The following CPNE5 variants were observed in gnomAD, a reference collection of about 807,000 sequenced individuals.
CPNE5 encodes the protein copine 5.
A neutral mutation model predicts 81.1 loss-of-function variants in CPNE5; 42 were observed. The ratio of observed to expected loss-of-function variants is 0.52; its 90% CI spans 0.40 to 0.67. CPNE5 has a LOEUF of 0.67. Among genes scored for constraint, CPNE5 ranks in the 30% least tolerant of loss-of-function variants. The pLI is 0.00. For synonymous variants in CPNE5, 313 were observed against 321.5 expected, an observed-to-expected ratio of 0.97 and a Z score of 0.28; for missense variants, 612 against 815.5, an observed-to-expected ratio of 0.75 and a Z score of 3.04.
intron 3 of CPNE5, among the ~76,000 whole-genome samples, chr6:36,805,536 G>C (rs774131910): frequency 3.3e-5 from 5 of 152,240 alleles, no homozygotes; most frequent in East Asian, 1.9e-4. Flanking sequence ...GTGATGCAGA[G>C]AGCCCTAGAG....
chr6:36,794,573 G>A lies in CPNE5; in HGVS notation c.464+17C>T. ...AATGTCTAAGGACTCCAGGGCCAGA[G>A]ATGTCTGGCAACGTACCCGTTGGAC... On this transcript the variant is annotated intron_variant, in intron 7 of 20. Transcript: ENST00000244751. The A allele has an allele frequency of 6.2e-7, 1 of 1,612,230 alleles. No individual in the cohort carries two copies. Among genetic ancestry groups the A allele is most frequent in the Non-Finnish European group, 8.5e-7 (1 of 1,178,262 alleles).
intron 1 of CPNE5, among the ~76,000 whole-genome samples, chr6:36,836,625 C>T (rs1158464850): frequency 1.3e-5 from 2 of 152,178 alleles, no homozygotes; most frequent in Non-Finnish European, 2.9e-5. Flanking sequence ...TCTCCTGGAG[C>T]CCTGAGAGCG....
chr6:36,827,835 G>A (rs1583036841), intron 1 of CPNE5: 5 of 817,646 alleles, frequency 6.1e-6, no homozygotes, highest in East Asian at 1.3e-4. Flanking sequence ...TTTCTTTGGA[G>A]AGCACAAAGA....
At chr6:36,792,561 C>T in intron 7 of CPNE5, 1 of 479,196 alleles carries the variant, frequency 2.1e-6, no homozygotes, top group East Asian at 7.0e-5. Context: ...GGGAGGAAGG[C>T]AGGAGGGCTG....
Position 36,774,717 on chromosome 6 carries a change from G to A in CPNE5, c.737+244C>T, listed in dbSNP as rs190650512. On this transcript the variant is annotated intron_variant, in intron 10 of 20. Coordinates refer to ENST00000244751, the MANE Select transcript of CPNE5 (RefSeq NM_020939.2). ...GCCAGACAGAGGGGAAAGAGGTGGG[G>A]CGGGTGGGGAGAAGAGGATCTGTGA... Among the ~76,000 whole-genome samples the A allele has an allele frequency of 4.8e-3, 723 of 151,812 alleles. 5 individuals carry two copies. Among genetic ancestry groups the A allele is most frequent in the African/African-American group, 0.016 (672 of 41,438 alleles).
At chr6:36,769,232 G>A (rs905517334) in intron 10 of CPNE5, among the ~76,000 whole-genome samples, 4 of 152,218 alleles carry the variant, frequency 2.6e-5, no homozygotes, top group Admixed American at 2.6e-4. Context: ...GGCTGTGCAG[G>A]TAATAATACC....
intron 12 of CPNE5, among the ~76,000 whole-genome samples, chr6:36,756,698 C>A (rs187640383): frequency 1.3e-5 from 2 of 152,334 alleles, no homozygotes; most frequent in Non-Finnish European, 2.9e-5. Flanking sequence ...CCTCTCTCAG[C>A]CAATTCCAAT....
Position 36,822,145 on chromosome 6 carries a change from G to A in CPNE5, c.152C>T (p.Thr51Ile). 6.5e-7 allele frequency: 1 copy of A among 1,537,188 alleles called. No homozygotes were observed. The highest frequency in any genetic ancestry group is 8.8e-7 in the Non-Finnish European group (1 of 1,136,156). The change falls in exon 3 of 21, where the codon ACC (threonine) becomes ATC (isoleucine). Residue 51 changes from threonine (T) to isoleucine (I), a missense_variant. Transcript: ENST00000244751. The stretch of plus-strand genomic sequence containing the variant: ...CCACTGCTTGTTCTCCATCCCTTGG[G>A]TATACATGACGCACACTGCGGGGGG... ...SKSDPLCVMY[T>I]QGMENKQWRE...
intron 15 of CPNE5, among the ~76,000 whole-genome samples, chr6:36,747,919 G>C (rs1462922106): frequency 1.3e-5 from 2 of 152,214 alleles, no homozygotes; most frequent in South Asian, 4.1e-4. Flanking sequence ...TTTGATCCCG[G>C]GGGGAAACAT....
chr6:36,824,227 G>A (rs927282500), intron 1 of CPNE5, among the ~76,000 whole-genome samples: 16 of 152,162 alleles, frequency 1.1e-4, no homozygotes, highest in Non-Finnish European at 2.2e-4. Flanking sequence ...CCAAAAGGCC[G>A]CACTCAACCA....
At chr6:36,797,469 T>C (rs531574668) in intron 6 of CPNE5, among the ~76,000 whole-genome samples, 1 of 152,310 alleles carries the variant, frequency 6.6e-6, no homozygotes, top group African/African-American at 2.4e-5. Context: ...TGACCAGTGT[T>C]CCCCAGTGTG....
chr6:36,755,899 C>T (rs1444897406), intron 13 of CPNE5: 7 of 341,966 alleles, frequency 2.0e-5, no homozygotes, highest in Non-Finnish European at 3.2e-5. Context: ...ATATCTGCCT[C>T]TCAGGGCAAC....
chr6:36,826,639 G>A (rs1478906274), intron 1 of CPNE5, among the ~76,000 whole-genome samples: 2 of 152,178 alleles, frequency 1.3e-5, no homozygotes, highest in Non-Finnish European at 2.9e-5. Context: ...TTCCCACCCT[G>A]CCACAGGCCA....
intron 10 of CPNE5, among the ~76,000 whole-genome samples, chr6:36,769,017 T>A (rs1284855776): frequency 1.3e-5 from 2 of 152,208 alleles, no homozygotes; most frequent in Non-Finnish European, 2.9e-5. Flanking sequence ...TCTGTTCCTG[T>A]CTAAAACACT....
chr6:36,773,387 T>G (rs1333472695), intron 10 of CPNE5, among the ~76,000 whole-genome samples: 1 of 152,240 alleles, frequency 6.6e-6, no homozygotes, highest in Non-Finnish European at 1.5e-5. Context: ...CCCCACTCGC[T>G]CTCTCGGCGC....
intron 1 of CPNE5, among the ~76,000 whole-genome samples, chr6:36,823,787 C>T (rs368124593): frequency 9.9e-5 from 15 of 152,184 alleles, no homozygotes; most frequent in African/African-American, 1.9e-4. Flanking sequence ...TGAGCCCCGG[C>T]GATGGGTCAG....
At chr6:36,795,791 A>G (rs1011073887) in intron 6 of CPNE5, among the ~76,000 whole-genome samples, 1 of 152,204 alleles carries the variant, frequency 6.6e-6, no homozygotes, top group African/African-American at 2.4e-5. Flanking sequence ...CAAGCAAAAC[A>G]CTGACCCTCA....
rs1232446238 is a variant in CPNE5 at position 36,746,572 on chromosome 6, G to A, written c.1024C>T (p.Pro342Ser). The part of the protein sequence containing the change: ...AIDFTASNGN[P>S]SQSTSLHYMS... ...TAGTGCAGGGATGTGGACTGTGAGGGGTTCCCTGTAACACAGGACATGGGA... is the reference window on the plus strand; with the variant it reads ...TAGTGCAGGGATGTGGACTGTGAGGAGTTCCCTGTAACACAGGACATGGGA... Residue 342 changes from proline to serine, a missense_variant, in exon 16 of 21, where the codon CCC (proline) becomes TCC (serine). Transcript: ENST00000244751. This position sits in a 1 kb window ranked among gnomAD's most constrained non-coding sequence, Gnocchi z 4.5. The A allele has an allele frequency of 6.2e-7, 1 of 1,611,234 alleles. No homozygotes were observed. The highest frequency in any genetic ancestry group is 1.1e-5 in the South Asian group (1 of 90,796).
At chr6:36,811,980 T>G (rs1047943117) in intron 3 of CPNE5, among the ~76,000 whole-genome samples, 13 of 152,190 alleles carry the variant, frequency 8.5e-5, no homozygotes, top group South Asian at 2.1e-4. Flanking sequence ...GGCATATGCC[T>G]GTAATCCTAG....
Sources: gnomAD v4.1 joint callset for allele counts (sites outside exome capture counted in the v4.1 genomes callset) on GRCh38, gnomAD v4.1.1 for gene constraint, Gnocchi (gnomAD v3.1) non-coding constraint, MANE v1.5 for transcripts, NCBI Gene and HGNC (gene_info 2026-07-23, HGNC 2026-07-21) for gene names.